The following AKAP12 variants were observed in gnomAD, a reference collection of about 807,000 sequenced individuals.
AKAP12 encodes A-kinase anchor protein 12.
Under a neutral mutation model 79.9 loss-of-function variants are expected in AKAP12, and 32 were observed. The observed-to-expected ratio is 0.40, with a 90% CI of 0.30 to 0.54. AKAP12 has a LOEUF of 0.54. AKAP12 is among the 20% of genes least tolerant of loss of function. AKAP12 has a pLI of 0.48. For missense variants in AKAP12, 2,074 were observed against 2,177.0 expected, an observed-to-expected ratio of 0.95 and a Z score of 0.94; for synonymous variants, 808 against 857.0, an observed-to-expected ratio of 0.94 and a Z score of 1.00.
rs1430307627 is a variant in AKAP12 at position 151,325,975 on chromosome 6, T to TG, written c.319+20076dup. 1.1e-5 allele frequency: 18 copies of TG among 1,590,362 alleles called. No homozygotes were observed. In the East Asian group the frequency reaches 4.0e-4, roughly 36 times the overall value. Reference sequence around the variant, plus strand: ...TTTCTTCCGTTGAATGAGCGTTTGGTGGGGAGCCCGGGAGGTCAGTGGCGG... The same window carrying TG: ...TTTCTTCCGTTGAATGAGCGTTTGGTGGGGGAGCCCGGGAGGTCAGTGGCGG... On this transcript the variant is annotated intron_variant, in intron 3 of 4. Coordinates refer to ENST00000402676, the MANE Select transcript of AKAP12 (RefSeq NM_005100.4).
intron 3 of AKAP12, among the ~76,000 whole-genome samples, chr6:151,316,543 G>A (rs553788884): frequency 9.2e-5 from 14 of 152,242 alleles, no homozygotes; most frequent in East Asian, 3.9e-4. Context: ...TCTTTTGCTC[G>A]CAGACGGCCG....
intron 2 of AKAP12, among the ~76,000 whole-genome samples, chr6:151,266,774 G>T (rs1306548955): frequency 6.6e-6 from 1 of 152,074 alleles, no homozygotes; most frequent in Non-Finnish European, 1.5e-5. Flanking sequence ...TGTCATTCAG[G>T]GGCACAGGAG....
chr6:151,281,180 C>T (rs905987770), intron 2 of AKAP12, among the ~76,000 whole-genome samples: 7 of 152,118 alleles, frequency 4.6e-5, no homozygotes, highest in Non-Finnish European at 7.3e-5. Context: ...CAGCCACTTA[C>T]ATTAGATAAG....
chr6:151,302,345 G>A (rs118029531), intron 2 of AKAP12, among the ~76,000 whole-genome samples: 2,543 of 152,156 alleles, frequency 0.017, 41 homozygotes, highest in Middle Eastern at 0.027. Flanking sequence ...TTTATTTGGA[G>A]ACGAGGGTCT....
intron 2 of AKAP12, among the ~76,000 whole-genome samples, chr6:151,276,650 C>T (rs1415553795): frequency 6.6e-6 from 1 of 152,228 alleles, no homozygotes; most frequent in Admixed American, 6.5e-5. Flanking sequence ...AAAGAGAAGC[C>T]AGCGCAGCTG....
intron 4 of AKAP12, among the ~76,000 whole-genome samples, chr6:151,354,620 C>T (rs548163106): frequency 6.6e-6 from 1 of 152,268 alleles, no homozygotes; most frequent in South Asian, 2.1e-4. Context: ...GATCCGCCCG[C>T]CTTGGCCTCC....
At position 151,254,161 on chromosome 6, in the gene AKAP12, T is replaced by G. The variant is rs532129154; in HGVS notation, c.162+13437T>G. On this transcript the variant is annotated intron_variant, in intron 2 of 4. Transcript: ENST00000402676. ...AGTGGAACATGTCACTACAAAAGTT[T>G]ACTAAATTAGTCTTGACCATTACAA... Among the ~76,000 whole-genome samples, 7 of 152,358 alleles carry G rather than the reference T, an allele frequency of 4.6e-5. No homozygotes were observed. In the East Asian group the frequency reaches 1.2e-3, roughly 25 times the overall value.
chr6:151,318,750 A>G (rs1777292925), intron 3 of AKAP12, among the ~76,000 whole-genome samples: 1 of 152,066 alleles, frequency 6.6e-6, no homozygotes, highest in Non-Finnish European at 1.5e-5. Flanking sequence ...AGCCTGGGCA[A>G]CACAGCAAGA....
Position 151,240,580 on chromosome 6 carries a change from C to A in AKAP12, c.18C>A (p.Ser6=). MGAGS[S]TEQRSPEQPP... is the part of the protein sequence containing the mutation. ...GAGGAGCCATGGGCGCCGGGAGCTC[C>A]ACCGAGCAGCGCAGCCCGGAGCAGC... The change falls in exon 2 of 5, where the codon TCC becomes TCA. Residue 6 remains serine (S), a synonymous_variant. Transcript: ENST00000402676. 1 of 1,447,740 alleles carries A rather than the reference C, an allele frequency of 6.9e-7. No individual in the cohort carries two copies. Among genetic ancestry groups the A allele is most frequent in the South Asian group, 1.4e-5 (1 of 73,894 alleles). 89.7% of individuals were successfully genotyped at this position (1,447,740 alleles called of 1,614,324 possible). A position where few individuals can be genotyped will look rare whatever the true frequency, so the allele number is the denominator to read the frequency against.
intron 3 of AKAP12, among the ~76,000 whole-genome samples, chr6:151,315,501 A>T (rs1777214452): frequency 6.6e-6 from 1 of 152,168 alleles, no homozygotes; most frequent in Non-Finnish European, 1.5e-5. Flanking sequence ...AACATATGAA[A>T]TTTTTTGTGG....
intron 3 of AKAP12, among the ~76,000 whole-genome samples, chr6:151,312,083 C>T (rs1434589104): frequency 6.6e-6 from 1 of 152,210 alleles, no homozygotes; most frequent in Non-Finnish European, 1.5e-5. Flanking sequence ...CTGTCACCCA[C>T]ATTACAGCCC....
At chr6:151,314,391 A>C (rs1249581172) in intron 3 of AKAP12, among the ~76,000 whole-genome samples, 1 of 152,200 alleles carries the variant, frequency 6.6e-6, no homozygotes, top group Non-Finnish European at 1.5e-5. Context: ...CAAAAAGTTC[A>C]AGGGGGGAAT....
intron 2 of AKAP12, among the ~76,000 whole-genome samples, chr6:151,270,265 T>TA (rs963911287): frequency 4.0e-4 from 61 of 152,260 alleles, no homozygotes; most frequent in African/African-American, 1.4e-3. Context: ...TCCATGTTGG[T>TA]CAGGCTGGTC....
chr6:151,315,416 G>A (rs1244365702), intron 3 of AKAP12, among the ~76,000 whole-genome samples: 3 of 152,158 alleles, frequency 2.0e-5, no homozygotes, highest in African/African-American at 7.2e-5. Flanking sequence ...TCCCATTCAT[G>A]AGTGCTCCAT....
intron 2 of AKAP12, among the ~76,000 whole-genome samples, chr6:151,277,970 G>GTC (rs901310763): frequency 1.2e-5 from 1 of 84,148 alleles, no homozygotes; most frequent in Non-Finnish European, 2.7e-5. Flanking sequence ...GTGTGTGTGT[G>GTC]TGTCTGTCTG....
At chr6:151,345,869 A>T (rs1024900852) in intron 3 of AKAP12, among the ~76,000 whole-genome samples, 2 of 149,888 alleles carry the variant, frequency 1.3e-5, no homozygotes, top group Admixed American at 6.7e-5. Context: ...TCCCCCAGAG[A>T]TCATATGTGA....
In AKAP12 at chr6:151,332,682, G is replaced by C. The variant is rs535417643; in HGVS notation, c.320-16029G>C. Among the ~76,000 whole-genome samples, 5 of 152,286 alleles carry C rather than the reference G, an allele frequency of 3.3e-5. No individual in the cohort carries two copies. In the South Asian group the frequency reaches 8.3e-4, roughly 25 times the overall value. ...TTGGAAGGATTAGTCTTTTTCCTGCGCTTTGAAGTGTCTACAGGGTGGGAA... is the reference window on the plus strand; with the variant it reads ...TTGGAAGGATTAGTCTTTTTCCTGCCCTTTGAAGTGTCTACAGGGTGGGAA... On this transcript the variant is annotated intron_variant, in intron 3 of 4. Transcript: ENST00000402676.
chr6:151,307,205 A>G (rs1358232427), intron 3 of AKAP12, among the ~76,000 whole-genome samples: 2 of 152,242 alleles, frequency 1.3e-5, no homozygotes, highest in Non-Finnish European at 2.9e-5. Context: ...TATAGGGCCC[A>G]GAGAGGTGCC....
At chr6:151,262,357 T>C (rs769844878) in intron 2 of AKAP12, among the ~76,000 whole-genome samples, 36 of 152,246 alleles carry the variant, frequency 2.4e-4, no homozygotes, top group Non-Finnish European at 4.8e-4. Context: ...TCATTGCTTT[T>C]GTTTATTTTA....
Sources: gnomAD v4.1 joint callset for allele counts (sites outside exome capture counted in the v4.1 genomes callset) on GRCh38, gnomAD v4.1.1 for gene constraint, MANE v1.5 for transcripts, NCBI Gene and HGNC (gene_info 2026-07-23, HGNC 2026-07-21) for gene names.